The following PDZD2 variants were observed in gnomAD, a reference collection of about 807,000 sequenced individuals.
PDZD2 encodes PDZ domain containing 2.
PDZD2 carries 90 observed loss-of-function variants against 220.7 expected under a neutral mutation model. That is an observed-to-expected ratio of 0.41 (90% CI 0.34 to 0.49). PDZD2 has a LOEUF of 0.49. Ranked by LOEUF, PDZD2 falls within the 20% of genes least tolerant of loss-of-function variation. The probability of loss-of-function intolerance (pLI) is 0.28; values close to 1 mark genes in which losing one functional copy is unlikely to be tolerated. For synonymous variants in PDZD2, 1,375 were observed against 1,450.5 expected, an observed-to-expected ratio of 0.95 and a Z score of 1.18; for missense variants, 3,174 against 3,608.5, an observed-to-expected ratio of 0.88 and a Z score of 3.08.
At chr5:32,027,670 T>C (rs546393453) in intron 6 of PDZD2, among the ~76,000 whole-genome samples, 2 of 152,370 alleles carry the variant, frequency 1.3e-5, no homozygotes, top group South Asian at 4.1e-4. Context: ...AGTTCTGAGT[T>C]ACTCTCTTGA....
At chr5:31,933,681 T>C (rs980311247) in intron 2 of PDZD2, among the ~76,000 whole-genome samples, 2 of 152,178 alleles carry the variant, frequency 1.3e-5, no homozygotes, top group African/African-American at 2.4e-5. Flanking sequence ...GTAACCTCAG[T>C]ACTTCCACTA....
intron 2 of PDZD2, among the ~76,000 whole-genome samples, chr5:31,864,096 C>T (rs1326410635): frequency 6.6e-6 from 1 of 152,128 alleles, no homozygotes; most frequent in African/African-American, 2.4e-5. Flanking sequence ...GAGGCACTGG[C>T]AGGGGATCAG....
intron 2 of PDZD2, among the ~76,000 whole-genome samples, chr5:31,914,827 C>A (rs1743538750): frequency 6.6e-6 from 1 of 152,176 alleles, no homozygotes; most frequent in Admixed American, 6.5e-5. Context: ...ACATAGAAAG[C>A]TGGTGAAGCA....
intron 1 of PDZD2, among the ~76,000 whole-genome samples, chr5:31,737,696 TCTTCTCCTTC>T (rs1391474051): frequency 1.3e-5 from 2 of 152,176 alleles, no homozygotes; most frequent in Non-Finnish European, 2.9e-5. Context: ...TCATCTCCTT[TCTTCTCCTTC>T]CTCTGGTGGG....
intron 1 of PDZD2, among the ~76,000 whole-genome samples, chr5:31,793,485 G>A (rs1753834274): frequency 6.6e-6 from 1 of 152,170 alleles, no homozygotes; most frequent in Non-Finnish European, 1.5e-5. Context: ...TATTGAGCAA[G>A]AGAGGCTGAC....
intron 1 of PDZD2, among the ~76,000 whole-genome samples, chr5:31,655,659 G>A (rs1313418241): frequency 6.6e-6 from 1 of 151,976 alleles, no homozygotes; most frequent in Non-Finnish European, 1.5e-5. Context: ...AATACTTGTC[G>A]AGAAAGTGAA....
chr5:31,667,394 A>G (rs376255005), intron 1 of PDZD2, among the ~76,000 whole-genome samples: 1 of 152,064 alleles, frequency 6.6e-6, no homozygotes, highest in East Asian at 1.9e-4. Flanking sequence ...CGAAACAGAA[A>G]CCAGAGAATG....
intron 1 of PDZD2, among the ~76,000 whole-genome samples, chr5:31,740,976 A>G (rs1320778215): frequency 6.6e-6 from 1 of 152,234 alleles, no homozygotes; most frequent in African/African-American, 2.4e-5. Flanking sequence ...TGTTTCTAAC[A>G]GGGTTTTTCA....
In PDZD2 at chr5:31,803,261, C is replaced by CTTTT. The variant is rs759569783; in HGVS notation, c.476+3556_476+3559dup. 5.6e-3 allele frequency among the ~76,000 whole-genome samples: 519 copies of CTTTT among 92,254 alleles called. 2 individuals are homozygous for CTTTT. Among genetic ancestry groups the CTTTT allele is most frequent in the East Asian group, 0.015 (35 of 2,368 alleles). The allele number at this position is 92,254 out of a possible 152,430, so 60.5% of individuals were successfully genotyped here. A position where few individuals can be genotyped will look rare whatever the true frequency, so the allele number is the denominator to read the frequency against. On this transcript the variant is annotated intron_variant, in intron 2 of 24. Coordinates refer to ENST00000438447, the MANE Select transcript of PDZD2 (RefSeq NM_178140.4). ...TGCAGGTGTGCACCACTGCATCTGG[C>CTTTT]TTTTTTTTTTTTTTTTTTTTTTGTA...
chr5:31,659,448 A>G (rs1405343602), intron 1 of PDZD2, among the ~76,000 whole-genome samples: 1 of 151,958 alleles, frequency 6.6e-6, no homozygotes, highest in Non-Finnish European at 1.5e-5. Flanking sequence ...CTCCAGAGTA[A>G]CAATGTCCCA....
At chr5:31,997,881 T>C (rs1035735960) in intron 4 of PDZD2, among the ~76,000 whole-genome samples, 5 of 152,178 alleles carry the variant, frequency 3.3e-5, no homozygotes, top group African/African-American at 1.2e-4. Context: ...CTCGCTCTGT[T>C]GCCTAGGCTG....
At chr5:31,665,651 C>CCCT (rs1554060786) in intron 1 of PDZD2, among the ~76,000 whole-genome samples, 41 of 144,180 alleles carry the variant, frequency 2.8e-4, no homozygotes, top group African/African-American at 6.4e-4. Context: ...CCCTCCCCCC[C>CCCT]CTCCCTTTCC....
intron 2 of PDZD2, among the ~76,000 whole-genome samples, chr5:31,951,503 C>G (rs1247591009): frequency 1.3e-5 from 2 of 152,176 alleles, no homozygotes; most frequent in African/African-American, 4.8e-5. Context: ...TTTGGGGAGA[C>G]ACAAACATTG....
chr5:31,873,515 T>G (rs1446585390), intron 2 of PDZD2, among the ~76,000 whole-genome samples: 1 of 151,714 alleles, frequency 6.6e-6, no homozygotes, highest in Non-Finnish European at 1.5e-5. Flanking sequence ...CAGGGCCAGC[T>G]AGAAGATTGA....
At chr5:31,759,516 C>T (rs1751503422) in intron 1 of PDZD2, among the ~76,000 whole-genome samples, 1 of 150,794 alleles carries the variant, frequency 6.6e-6, no homozygotes, top group African/African-American at 2.4e-5. Flanking sequence ...CCAAAACCTC[C>T]TTGCCAAGGG....
chr5:31,973,622 G>C (rs191182703), intron 2 of PDZD2, among the ~76,000 whole-genome samples: 1 of 152,316 alleles, frequency 6.6e-6, no homozygotes, highest in African/African-American at 2.4e-5. Context: ...TGCCTTAGAA[G>C]CTGGTATCCT....
chr5:31,703,445 G>A (rs774839047), intron 1 of PDZD2, among the ~76,000 whole-genome samples: 1 of 152,084 alleles, frequency 6.6e-6, no homozygotes, highest in Admixed American at 6.6e-5. Flanking sequence ...ATGGACACAG[G>A]GAGGGGAACA....
rs1342237173 is a variant in PDZD2 at position 32,109,120 on chromosome 5, T to TATC, written c.*986_*988dup. 3 of 152,464 alleles carry TATC rather than the reference T, an allele frequency of 2.0e-5. No individual in the cohort carries two copies. Among genetic ancestry groups the TATC allele is most frequent in the African/African-American group, 7.2e-5 (3 of 41,442 alleles). The allele number at this position is 152,464 out of a possible 1,614,324, so 9.4% of individuals were successfully genotyped here. On this transcript the variant is annotated 3_prime_UTR_variant, in exon 25 of 25. Transcript: ENST00000438447. ...TTAAACTAAATTTTTAGAAATCAAGTATCTTTCTAAGTGTCCTTGGATTTA... is the reference window on the plus strand; with the variant it reads ...TTAAACTAAATTTTTAGAAATCAAGTATCATCTTTCTAAGTGTCCTTGGATTTA...
intron 2 of PDZD2, among the ~76,000 whole-genome samples, chr5:31,803,143 G>A (rs1754502667): frequency 2.0e-5 from 3 of 150,134 alleles, no homozygotes; most frequent in South Asian, 4.3e-4. Context: ...TATCACCCAG[G>A]CTGGAGTGCA....
Sources: gnomAD v4.1 joint callset for allele counts (sites outside exome capture counted in the v4.1 genomes callset) on GRCh38, gnomAD v4.1.1 for gene constraint, MANE v1.5 for transcripts, NCBI Gene and HGNC (gene_info 2026-07-23, HGNC 2026-07-21) for gene names.